ADAMTSL1: variants seen among roughly 807,000 people sequenced by gnomAD.
ADAMTSL1 encodes the protein ADAMTS-like protein 1.
ADAMTSL1 carries 126 observed loss-of-function variants against 201.8 expected under a neutral mutation model. The ratio of observed to expected loss-of-function variants is 0.62; its 90% CI spans 0.54 to 0.72. ADAMTSL1 has a LOEUF of 0.72. Ranked by LOEUF, ADAMTSL1 falls within the 30% of genes least tolerant of loss-of-function variation. The pLI is 0.00. For synonymous variants in ADAMTSL1, 1,121 were observed against 903.4 expected, an observed-to-expected ratio of 1.24 and a Z score of -4.32; for missense variants, 2,679 against 2,277.8, an observed-to-expected ratio of 1.18 and a Z score of -3.59.
intron 1 of ADAMTSL1, among the ~76,000 whole-genome samples, chr9:18,050,882 G>A (rs989869334): frequency 6.6e-6 from 1 of 152,174 alleles, no homozygotes; most frequent in African/African-American, 2.4e-5. Flanking sequence ...CAAACCTTGT[G>A]TTGGTGATAC....
At chr9:18,378,214 T>G (rs1837391749) in intron 2 of ADAMTSL1, among the ~76,000 whole-genome samples, 1 of 152,202 alleles carries the variant, frequency 6.6e-6, no homozygotes, top group South Asian at 2.1e-4. Context: ...AATAAGGCTT[T>G]AACCAAATTA....
At chr9:18,907,124 T>C (rs1327506) in intron 28 of ADAMTSL1, 394,848 of 568,424 alleles carry the variant, frequency 0.69, 139,147 homozygotes, top group African/African-American at 0.88. Context: ...AGGGCTTCCA[T>C]GATCTCCATC....
At chr9:18,307,210 G>GA (rs897652683) in intron 2 of ADAMTSL1, among the ~76,000 whole-genome samples, 5 of 151,664 alleles carry the variant, frequency 3.3e-5, no homozygotes, top group Non-Finnish European at 7.4e-5. Context: ...AATATGAAAA[G>GA]AAAAAAAATA....
At chr9:18,878,257 C>T (rs1458981750) in intron 23 of ADAMTSL1, among the ~76,000 whole-genome samples, 1 of 150,136 alleles carries the variant, frequency 6.7e-6, no homozygotes, top group East Asian at 1.9e-4. Flanking sequence ...GTCGTGGCTT[C>T]TGTGCTCCTA....
chr9:18,461,017 A>G (rs953511918), intron 2 of ADAMTSL1, among the ~76,000 whole-genome samples: 1 of 152,216 alleles, frequency 6.6e-6, no homozygotes, highest in South Asian at 2.1e-4. Flanking sequence ...AAAATTAAAT[A>G]CATGTGTCCA....
At chr9:18,169,031 T>G (rs1200186255) in intron 2 of ADAMTSL1, among the ~76,000 whole-genome samples, 6 of 141,592 alleles carry the variant, frequency 4.2e-5, no homozygotes, top group African/African-American at 1.5e-4. Context: ...ATTAGCCCTT[T>G]GTCAGATGAG....
At chr9:18,264,749 A>G (rs1419970405) in intron 2 of ADAMTSL1, among the ~76,000 whole-genome samples, 2 of 152,190 alleles carry the variant, frequency 1.3e-5, no homozygotes, top group Non-Finnish European at 2.9e-5. Context: ...CATAGATATG[A>G]TGGAAGTAGC....
At chr9:18,761,510 A>T (rs1329712554) in intron 16 of ADAMTSL1, among the ~76,000 whole-genome samples, 1 of 152,188 alleles carries the variant, frequency 6.6e-6, no homozygotes, top group African/African-American at 2.4e-5. Context: ...ACATATATTT[A>T]AAAATAATGC....
intron 1 of ADAMTSL1, among the ~76,000 whole-genome samples, chr9:18,125,418 C>G (rs1012997517): frequency 2.0e-4 from 30 of 152,138 alleles, no homozygotes; most frequent in Admixed American, 1.9e-3. Context: ...AGGGACACAC[C>G]CAAACCATAT....
chr9:18,228,770 T>C (rs188534987), intron 2 of ADAMTSL1, among the ~76,000 whole-genome samples: 1 of 152,262 alleles, frequency 6.6e-6, no homozygotes, highest in African/African-American at 2.4e-5. Flanking sequence ...AAGTCGAGTT[T>C]TAATTTCCTG....
At chr9:18,074,501 CTTTTCTTTTCTTCTTTTCTT>C (rs1823112262) in intron 1 of ADAMTSL1, among the ~76,000 whole-genome samples, 2 of 71,132 alleles carry the variant, frequency 2.8e-5, no homozygotes, top group Non-Finnish European at 5.5e-5. Flanking sequence ...CTTTTCTTTT[CTTTTCTTTTCTTCTTTTCTT>C]TTCTTTTCTT....
intron 1 of ADAMTSL1, among the ~76,000 whole-genome samples, chr9:18,150,127 G>T (rs143581419): frequency 6.6e-6 from 1 of 152,106 alleles, no homozygotes; most frequent in African/African-American, 2.4e-5. Flanking sequence ...TTGAAATAAA[G>T]GTACATATAT....
intron 4 of ADAMTSL1, among the ~76,000 whole-genome samples, chr9:18,612,864 T>C (rs1248484456): frequency 6.6e-6 from 1 of 152,068 alleles, no homozygotes; most frequent in Non-Finnish European, 1.5e-5. Context: ...AATTGACAAA[T>C]GGGATCTAAT....
Position 18,723,106 on chromosome 9 carries a change from G to T in ADAMTSL1, c.2006+1441G>T. 5.2e-6 allele frequency: 4 copies of T among 773,496 alleles called. No homozygotes were observed. In the East Asian group the frequency reaches 9.7e-5, roughly 19 times the overall value. The allele number at this position is 773,496 out of a possible 1,614,324, so 47.9% of individuals were successfully genotyped here. A position where few individuals can be genotyped will look rare whatever the true frequency, so the allele number is the denominator to read the frequency against. On this transcript the variant is annotated intron_variant, in intron 15 of 28. Coordinates refer to ENST00000380548, the MANE Select transcript of ADAMTSL1 (RefSeq NM_001040272.6). The stretch of plus-strand genomic sequence containing the variant: ...CTTCTCATCCTGCTGTCACCAACTA[G>T]CTCTGTGGCCTAGGGCGAGGTGTCT...
chr9:18,236,712 G>T (rs1467796512), intron 2 of ADAMTSL1, among the ~76,000 whole-genome samples: 1 of 152,102 alleles, frequency 6.6e-6, no homozygotes, highest in South Asian at 2.1e-4. Flanking sequence ...AGAAGCACAG[G>T]AATTAAATCT....
intron 7 of ADAMTSL1, among the ~76,000 whole-genome samples, chr9:18,643,660 C>G (rs1403607247): frequency 6.6e-6 from 1 of 151,876 alleles, no homozygotes; most frequent in Admixed American, 6.6e-5. Context: ...GTCCTTTTCG[C>G]AGCAACTTTG....
chr9:17,920,113 G>A (rs1330849642), intron 1 of ADAMTSL1, among the ~76,000 whole-genome samples: 1 of 152,064 alleles, frequency 6.6e-6, no homozygotes, highest in South Asian at 2.1e-4. Flanking sequence ...TGTTTTATTA[G>A]AGTTAACAAC....
rs944698511 is a variant in ADAMTSL1, at chr9:18,590,621, ATTAT to A, written c.474+16360_474+16363del. ...ATGCATCATTAGGTTGTTTATTTAG[ATTAT>A]TTATATTGTTTTGATATAAGCATTT... On this transcript the variant is annotated intron_variant, in intron 4 of 28. Coordinates refer to ENST00000380548, the MANE Select transcript of ADAMTSL1 (RefSeq NM_001040272.6). Among the ~76,000 whole-genome samples the A allele has an allele frequency of 4.0e-5, 6 of 151,408 alleles. 1 individual carries two copies. The East Asian group carries it at 1.2e-3, about 29-fold the overall frequency.
At chr9:18,558,026 A>G (rs772178407) in intron 3 of ADAMTSL1, among the ~76,000 whole-genome samples, 1 of 152,062 alleles carries the variant, frequency 6.6e-6, no homozygotes, top group African/African-American at 2.4e-5. Context: ...TTAAAAAAAT[A>G]TACTTTAAAT....
Sources: allele counts gnomAD v4.1 joint callset (sites outside exome capture counted in the v4.1 genomes callset), GRCh38; gene constraint gnomAD v4.1.1; transcripts MANE v1.5; gene names NCBI Gene and HGNC (gene_info 2026-07-23, HGNC 2026-07-21).